Variants in NREP observed in about 807,000 individuals in gnomAD.
NREP encodes the protein neuronal regeneration related protein, also known as neuronal regeneration-related protein.
In NREP, 5 loss-of-function variants were observed where a neutral mutation model predicts 8.6. That is an observed-to-expected ratio of 0.58 (90% CI 0.30 to 1.22). The LOEUF (loss-of-function observed/expected upper bound fraction) is 1.22, where lower values mean the gene tolerates loss of function less well. Ranked by LOEUF, NREP falls within the 50% of genes most tolerant of loss-of-function variation. The probability of loss-of-function intolerance (pLI) is 0.07; values close to 1 mark genes in which losing one functional copy is unlikely to be tolerated. For missense variants in NREP, 86 were observed against 82.5 expected, an observed-to-expected ratio of 1.04 and a Z score of -0.17; for synonymous variants, 27 against 28.0, an observed-to-expected ratio of 0.96 and a Z score of 0.11.
intron 2 of NREP, among the ~76,000 whole-genome samples, chr5:111,835,514 C>G (rs186985665): frequency 6.6e-6 from 1 of 152,026 alleles, no homozygotes; most frequent in African/African-American, 2.4e-5. Flanking sequence ...GGGAGGAAAT[C>G]CTTGAGCTAA....
At chr5:111,963,904 G>A (rs1367628003) in intron 2 of NREP, among the ~76,000 whole-genome samples, 1 of 152,128 alleles carries the variant, frequency 6.6e-6, no homozygotes, top group Non-Finnish European at 1.5e-5. Context: ...TGTTGGTAAG[G>A]ACTTTTTAAA....
At position 111,976,826 on chromosome 5, in the gene NREP, C is replaced by G. The variant is rs768065873; in HGVS notation, c.-87G>C. The G allele has an allele frequency of 5.9e-6, 6 of 1,010,362 alleles. No homozygotes were observed. The African/African-American group carries it at 9.7e-5, about 16-fold the overall frequency. 62.6% of individuals were successfully genotyped at this position (1,010,362 alleles called of 1,614,324 possible). A position where few individuals can be genotyped will look rare whatever the true frequency, so the allele number is the denominator to read the frequency against. On this transcript the variant is annotated 5_prime_UTR_variant, in exon 1 of 4. Transcript: ENST00000395634. The stretch of plus-strand genomic sequence containing the variant: ...CGGGAGTTGGCCAGACAGCTCAGGA[C>G]ACAGCTCTGCAGCCCATTCTGATTG...
At chr5:111,862,687 A>G (rs1388738495) in intron 2 of NREP, among the ~76,000 whole-genome samples, 1 of 152,096 alleles carries the variant, frequency 6.6e-6, no homozygotes, top group Non-Finnish European at 1.5e-5. Context: ...GTCCTGTGCT[A>G]TGTTCTGGGA....
At chr5:111,805,959 T>C (rs1476383655) in intron 2 of NREP, among the ~76,000 whole-genome samples, 1 of 151,282 alleles carries the variant, frequency 6.6e-6, no homozygotes, top group Non-Finnish European at 1.5e-5. Flanking sequence ...AAGTAATGGG[T>C]ATGTTAATTA....
chr5:111,766,236 G>A (rs145460290), intron 2 of NREP, among the ~76,000 whole-genome samples: 1 of 152,114 alleles, frequency 6.6e-6, no homozygotes, highest in East Asian at 1.9e-4. Flanking sequence ...ATCCTCAAAG[G>A]CATCACAATA....
intron 2 of NREP, among the ~76,000 whole-genome samples, chr5:111,912,031 T>C (rs1561723419): frequency 6.6e-6 from 1 of 152,130 alleles, no homozygotes; most frequent in South Asian, 2.1e-4. Flanking sequence ...AATTCCTGTC[T>C]GTCTACCTTA....
intron 2 of NREP, among the ~76,000 whole-genome samples, chr5:111,902,899 A>G (rs945393158): frequency 2.0e-5 from 3 of 152,108 alleles, no homozygotes; most frequent in Non-Finnish European, 4.4e-5. Context: ...ATTTTTCTTC[A>G]GTTAATAATG....
intron 2 of NREP, among the ~76,000 whole-genome samples, chr5:111,956,098 G>A (rs1007419607): frequency 1.3e-5 from 2 of 151,932 alleles, no homozygotes; most frequent in Non-Finnish European, 2.9e-5. Flanking sequence ...AGTTGCCAAG[G>A]AACAGTGAGA....
chr5:111,762,527 T>C (rs1484050739), upstream of NREP, among the ~76,000 whole-genome samples: 1 of 151,478 alleles, frequency 6.6e-6, no homozygotes, highest in African/African-American at 2.4e-5. Context: ...TATTTGGAGA[T>C]AGGGTCTTTA....
intron 2 of NREP, among the ~76,000 whole-genome samples, chr5:111,923,485 C>A (rs1755301860): frequency 6.6e-6 from 1 of 152,172 alleles, no homozygotes; most frequent in Non-Finnish European, 1.5e-5. Context: ...AGTTGGGCTG[C>A]AGATCCCTCT....
chr5:111,742,747 G>C (rs907926514), intron 2 of NREP, among the ~76,000 whole-genome samples: 2 of 152,018 alleles, frequency 1.3e-5, no homozygotes, highest in Non-Finnish European at 2.9e-5. Context: ...TGAACACGGA[G>C]GTCAGCTGCA....
At chr5:111,934,119 G>A (rs990812160) in intron 2 of NREP, among the ~76,000 whole-genome samples, 1 of 152,048 alleles carries the variant, frequency 6.6e-6, no homozygotes, top group Admixed American at 6.6e-5. Flanking sequence ...TACGTGGCTT[G>A]CTTTGGTGTC....
At chr5:111,787,972 C>T (rs966343219) in intron 2 of NREP, among the ~76,000 whole-genome samples, 9 of 152,038 alleles carry the variant, frequency 5.9e-5, no homozygotes, top group East Asian at 1.9e-4. Context: ...GTGGTGCACA[C>T]CTGTGGCCCC....
intron 2 of NREP, among the ~76,000 whole-genome samples, chr5:111,896,199 T>C (rs1020057634): frequency 1.3e-5 from 2 of 152,108 alleles, no homozygotes; most frequent in African/African-American, 4.8e-5. Flanking sequence ...AAACGTTGAC[T>C]TGGACTAGGG....
intron 2 of NREP, among the ~76,000 whole-genome samples, chr5:111,886,157 C>A (rs1434034253): frequency 1.3e-5 from 2 of 152,058 alleles, no homozygotes; most frequent in African/African-American, 4.8e-5. Context: ...AAAAAGTGGG[C>A]AAAGGACATG....
intron 2 of NREP, among the ~76,000 whole-genome samples, chr5:111,889,193 G>A (rs1754334607): frequency 6.6e-6 from 1 of 152,176 alleles, no homozygotes; most frequent in Non-Finnish European, 1.5e-5. Flanking sequence ...TCTGCTTCTG[G>A]GGAGGCCCCA....
At chr5:111,951,623 G>A (rs1452988893) in intron 2 of NREP, among the ~76,000 whole-genome samples, 2 of 151,968 alleles carry the variant, frequency 1.3e-5, no homozygotes, top group African/African-American at 4.8e-5. Context: ...ACATAGATGG[G>A]TTGAAGGCTC....
chr5:111,774,701 G>A lies in NREP; in HGVS notation c.136-39194C>T, dbSNP rs188445372. Among the ~76,000 whole-genome samples, 5 of 152,140 alleles carry A rather than the reference G, an allele frequency of 3.3e-5. No homozygotes were observed. The South Asian group carries it at 6.2e-4, about 19-fold the overall frequency. Reference sequence around the variant, plus strand: ...AAATGGGGCCCTCGGCCTTGTGACCGCAAGGAACTGAATTCTGCCAACAAC... The same window carrying A: ...AAATGGGGCCCTCGGCCTTGTGACCACAAGGAACTGAATTCTGCCAACAAC... On this transcript the variant is annotated intron_variant, in intron 2 of 3. Transcript: ENST00000395634.
intron 2 of NREP, chr5:111,949,117 T>C (rs1195552710): frequency 1.3e-5 from 2 of 152,064 alleles, no homozygotes; most frequent in Non-Finnish European, 2.9e-5. Flanking sequence ...CAATTTCCCA[T>C]AGCAATCTAT....
Sources: allele counts gnomAD v4.1 joint callset (sites outside exome capture counted in the v4.1 genomes callset), GRCh38; gene constraint gnomAD v4.1.1; transcripts MANE v1.5; gene names NCBI Gene and HGNC (gene_info 2026-07-23, HGNC 2026-07-21).